The following IQCK variants were observed in gnomAD, a reference collection of about 807,000 sequenced individuals.
The protein encoded by IQCK is IQ domain-containing protein K.
IQCK carries 29 observed loss-of-function variants against 28.1 expected under a neutral mutation model. The observed-to-expected ratio is 1.03, with a 90% CI of 0.77 to 1.41. The LOEUF (loss-of-function observed/expected upper bound fraction) is 1.41, where lower values mean the gene tolerates loss of function less well. Among genes scored for constraint, IQCK ranks in the 40% most tolerant of loss-of-function variants. The probability of loss-of-function intolerance (pLI) is 0.00; values close to 1 mark genes in which losing one functional copy is unlikely to be tolerated. For synonymous variants in IQCK, 113 were observed against 115.1 expected, an observed-to-expected ratio of 0.98 and a Z score of 0.12; for missense variants, 359 against 314.7, an observed-to-expected ratio of 1.14 and a Z score of -1.07.
intron 6 of IQCK, among the ~76,000 whole-genome samples, chr16:19,786,319 C>T (rs1241838377): frequency 4.0e-5 from 6 of 151,330 alleles, no homozygotes; most frequent in Non-Finnish European, 7.4e-5. Context: ...TTTGGGAGGC[C>T]GAGGTGGGAG....
chr16:19,842,956 G>C (rs1006759510), intron 9 of IQCK, among the ~76,000 whole-genome samples: 2 of 152,114 alleles, frequency 1.3e-5, no homozygotes, highest in African/African-American at 2.4e-5. Flanking sequence ...AGCCTGGCCC[G>C]GGGGAGTTGT....
intron 6 of IQCK, among the ~76,000 whole-genome samples, chr16:19,776,153 T>G (rs1262913947): frequency 6.6e-6 from 1 of 152,042 alleles, no homozygotes; most frequent in East Asian, 1.9e-4. Context: ...AGTGCTGGGA[T>G]TACAGGCATG....
intron 4 of IQCK, among the ~76,000 whole-genome samples, chr16:19,742,985 A>G (rs2054858071): frequency 6.6e-6 from 1 of 152,188 alleles, no homozygotes; most frequent in African/African-American, 2.4e-5. Context: ...CCTGGCCAAC[A>G]TGGCAAAACC....
At chr16:19,741,451 C>T (rs1309074474) in intron 4 of IQCK, among the ~76,000 whole-genome samples, 1 of 152,040 alleles carries the variant, frequency 6.6e-6, no homozygotes, top group Admixed American at 6.6e-5. Flanking sequence ...AAACAGTTTC[C>T]AGCCTGTAAG....
chr16:19,764,163 TTAA>T, intron 6 of IQCK, 51 bp downstream of exon 6: 1 of 1,409,434 alleles, frequency 7.1e-7, no homozygotes, highest in Non-Finnish European at 9.9e-7. Flanking sequence ...TAAGATTGTG[TTAA>T]TAATACTTTT....
chr16:19,828,960 TTATA>T (rs2141094585), downstream of IQCK, among the ~76,000 whole-genome samples: 1 of 143,538 alleles, frequency 7.0e-6, no homozygotes, highest in South Asian at 2.1e-4. Context: ...ATTATTTAAA[TTATA>T]TATAAATATA....
chr16:19,835,000 C>T lies in IQCK; in HGVS notation c.802+7863C>T, dbSNP rs1876785193. On this transcript the variant is annotated intron_variant, in intron 9 of 9. Coordinates refer to the IQCK transcript ENST00000320394. ...CAAATATAAGCCAGGTGCGGTGGCT[C>T]ATGCCTATAGCTCCAGCACTTTGGG... is the stretch of plus-strand genomic sequence containing the variant. 3.3e-5 allele frequency among the ~76,000 whole-genome samples: 5 copies of T among 152,312 alleles called. No homozygotes were observed. In the South Asian group the frequency reaches 1.0e-3, roughly 32 times the overall value.
At chr16:19,758,666 T>G (rs988994547) in intron 4 of IQCK, among the ~76,000 whole-genome samples, 1 of 152,260 alleles carries the variant, frequency 6.6e-6, no homozygotes, top group Non-Finnish European at 1.5e-5. Context: ...AGATGGCTTT[T>G]TGAAGGGACT....
At chr16:19,749,612 C>T (rs1039263622) in intron 4 of IQCK, among the ~76,000 whole-genome samples, 1 of 151,944 alleles carries the variant, frequency 6.6e-6, no homozygotes, top group Non-Finnish European at 1.5e-5. Flanking sequence ...ATTAAATTTA[C>T]ACAATTTGCT....
chr16:19,736,629 G>A (rs193015659), intron 4 of IQCK, among the ~76,000 whole-genome samples: 117 of 152,350 alleles, frequency 7.7e-4, no homozygotes, highest in Non-Finnish European at 1.3e-3. Context: ...GATGAAGAGA[G>A]TAAAATTACA....
At chr16:19,729,684 G>T (rs568179470) in intron 1 of IQCK, among the ~76,000 whole-genome samples, 1 of 150,230 alleles carries the variant, frequency 6.7e-6, no homozygotes, top group Non-Finnish European at 1.5e-5. Flanking sequence ...TCGCTCTGTC[G>T]CCCAGGCTGG....
intron 9 of IQCK, among the ~76,000 whole-genome samples, chr16:19,838,688 TA>T (rs1315531426): frequency 6.6e-6 from 1 of 152,152 alleles, no homozygotes; most frequent in Non-Finnish European, 1.5e-5. Context: ...TTGCATATAT[TA>T]TTTCTAATCT....
chr16:19,735,469 T>G lies in IQCK; in HGVS notation c.474+19T>G, dbSNP rs1197962455. 6 of 1,530,284 alleles carry G rather than the reference T, an allele frequency of 3.9e-6. No individual in the cohort carries two copies. Among genetic ancestry groups the G allele is most frequent in the Non-Finnish European group, 5.4e-6 (6 of 1,103,816 alleles). 94.8% of individuals were successfully genotyped at this position (1,530,284 alleles called of 1,614,324 possible). On this transcript the variant is annotated intron_variant, in intron 4 of 7. Transcript: ENST00000564186. ...TTTTGAGGTCAGTTGTTTGGCAGGA[T>G]TTCTTTATTTTGAGATTCTCAATCA...
At position 19,803,150 on chromosome 16, in the gene IQCK, T is replaced by G. The variant is rs144072417; in HGVS notation, c.690+14228T>G. 7.8e-3 allele frequency among the ~76,000 whole-genome samples: 1,185 copies of G among 152,222 alleles called. 18 individuals are homozygous for G. The highest frequency in any genetic ancestry group is 0.026 in the African/African-American group (1,099 of 41,544). ...TTTGTTTTGTTTTGTTTGTTTGTTT[T>G]TTTGTTTTTTGAGACAGAGTCTCAC... On this transcript the variant is annotated intron_variant, in intron 7 of 7. Coordinates refer to ENST00000564186, the Ensembl canonical transcript of IQCK.
intron 6 of IQCK, among the ~76,000 whole-genome samples, chr16:19,769,366 T>TGGTAA (rs2055286648): frequency 6.6e-6 from 1 of 152,234 alleles, no homozygotes; most frequent in Non-Finnish European, 1.5e-5. Context: ...TCCAGTTCCT[T>TGGTAA]ATTGGTAAAT....
chr16:19,784,010 CAT>C lies in IQCK; in HGVS notation c.606-4826_606-4825del, dbSNP rs1418042047. Among the ~76,000 whole-genome samples the C allele has an allele frequency of 1.1e-4, 17 of 151,830 alleles. No homozygotes were observed. In the East Asian group the frequency reaches 3.3e-3, roughly 30 times the overall value. Reference sequence around the variant, plus strand: ...ATTTCATGACATCGGTTGTGAAAAACATACTTAAAGCAGGAAAATTGCCGCTG... The same window carrying C: ...ATTTCATGACATCGGTTGTGAAAAACACTTAAAGCAGGAAAATTGCCGCTG... On this transcript the variant is annotated intron_variant, in intron 6 of 7. Coordinates refer to ENST00000564186, the Ensembl canonical transcript of IQCK.
chr16:19,808,714 G>A (rs1221464749), intron 7 of IQCK, among the ~76,000 whole-genome samples: 1 of 152,220 alleles, frequency 6.6e-6, no homozygotes, highest in Non-Finnish European at 1.5e-5. Context: ...TCTAGATAGT[G>A]TCAGCAGAGC....
At position 19,841,847 on chromosome 16, in the gene IQCK, C is replaced by CT. The variant is rs35552172; in HGVS notation, c.803-14625dup. ...ATCAGTGTCTACCATTGTAAGCCAT[C>CT]TTTTTTTTTTTTTTTGAGACGCAGT... On this transcript the variant is annotated intron_variant, in intron 9 of 9. Transcript: ENST00000320394. Among the ~76,000 whole-genome samples the CT allele has an allele frequency of 4.9e-3, 710 of 143,500 alleles. 1 individual carries two copies. Among genetic ancestry groups the CT allele is most frequent in the Middle Eastern group, 0.011 (3 of 276 alleles). 94.1% of individuals were successfully genotyped at this position (143,500 alleles called of 152,430 possible).
chr16:19,733,754 G>A (rs769969486), exon 3 of IQCK: 22 of 1,613,978 alleles, frequency 1.4e-5, no homozygotes, highest in African/African-American at 4.0e-5. Flanking sequence ...ACTATTTTCC[G>A]GTTTCCCATT....
Sources: allele counts gnomAD v4.1 joint callset (sites outside exome capture counted in the v4.1 genomes callset), GRCh38; gene constraint gnomAD v4.1.1; transcripts MANE v1.5; gene names NCBI Gene and HGNC (gene_info 2026-07-23, HGNC 2026-07-21).